Variants in VASH1 observed in about 807,000 individuals in gnomAD.
VASH1 encodes vasohibin 1, also known as tubulinyl-Tyr carboxypeptidase 1.
A neutral mutation model predicts 35.0 loss-of-function variants in VASH1; 16 were observed. That is an observed-to-expected ratio of 0.46 (90% confidence interval 0.31 to 0.70). The LOEUF is 0.70. Ranked by LOEUF, VASH1 falls within the 30% of genes least tolerant of loss-of-function variation. The probability of loss-of-function intolerance (pLI) is 0.05; values close to 1 mark genes in which losing one functional copy is unlikely to be tolerated. For missense variants in VASH1, 505 were observed against 510.7 expected, an observed-to-expected ratio of 0.99 and a Z score of 0.11; for synonymous variants, 214 against 200.9, an observed-to-expected ratio of 1.07 and a Z score of -0.55.
chr14:76,761,490 G>T lies in VASH1; in HGVS notation c.-1332G>T. ...GGCGCGGGCCGTAGTCGAGCCTGGT[G>T]GGCGGCTGGCTGGCAGGGGACGTGG... On this transcript the variant is annotated 5_prime_UTR_variant, in exon 1 of 7. Transcript: ENST00000167106. 6.5e-6 allele frequency: 1 copy of T among 152,922 alleles called. No homozygotes were observed. The highest frequency in any genetic ancestry group is 1.9e-4 in the South Asian group (1 of 5,320). The allele number at this position is 152,922 out of a possible 1,614,324, so 9.5% of individuals were successfully genotyped here.
rs557979160 is a variant in VASH1, at chr14:76,769,510, C to G, written c.310-453C>G. 42 of 1,286,826 alleles carry G rather than the reference C, an allele frequency of 3.3e-5. No individual in the cohort carries two copies. The South Asian group carries it at 4.7e-4, about 14-fold the overall frequency. 79.7% of individuals were successfully genotyped at this position (1,286,826 alleles called of 1,614,324 possible). A position where few individuals can be genotyped will look rare whatever the true frequency, so the allele number is the denominator to read the frequency against. ...CCAAGGATGCTCACCCCCCTCAGGACCACTCCCAAAGCCTAGGGCACCACC... is the reference window on the plus strand; with the variant it reads ...CCAAGGATGCTCACCCCCCTCAGGAGCACTCCCAAAGCCTAGGGCACCACC... On this transcript the variant is annotated intron_variant, in intron 1 of 6. Coordinates refer to ENST00000167106, the MANE Select transcript of VASH1 (RefSeq NM_014909.5).
intron 1 of VASH1, among the ~76,000 whole-genome samples, chr14:76,768,684 G>C (rs971914743): frequency 6.6e-6 from 1 of 152,022 alleles, no homozygotes; most frequent in South Asian, 2.1e-4. Context: ...TCCACCACTC[G>C]AGAGCCTCCC....
At position 76,776,259 on chromosome 14, in the gene VASH1, G is replaced by C. The variant is rs368987028; in HGVS notation, c.898G>C (p.Asp300His). Residue 300 changes from aspartate (D) to histidine (H), a missense_variant, in exon 5 of 7, where the codon GAC becomes CAC. Asp to His is a moderately conservative substitution (Grantham distance 81). Coordinates refer to ENST00000167106, the MANE Select transcript of VASH1 (RefSeq NM_014909.5). ...FRKELERHAR[D>H]MRLKIGKGTG... ...CAAGGAGCTGGAGCGCCACGCCCGC[G>C]ACATGCGGCTCAAGGTCTGCCCGCC... 2 of 1,594,914 alleles carry C rather than the reference G, an allele frequency of 1.3e-6. No homozygotes were observed. The highest frequency in any genetic ancestry group is 1.7e-6 in the Non-Finnish European group (2 of 1,173,614).
intron 1 of VASH1, among the ~76,000 whole-genome samples, chr14:76,763,418 C>T (rs953558743): frequency 4.6e-5 from 7 of 152,188 alleles, no homozygotes; most frequent in African/African-American, 1.7e-4. Context: ...AGTAGGATGG[C>T]TTGACGTCTC....
chr14:76,776,571 C>T (rs1893952152), intron 5 of VASH1, among the ~76,000 whole-genome samples: 1 of 152,048 alleles, frequency 6.6e-6, no homozygotes, highest in South Asian at 2.1e-4. Context: ...TGGGCAGCCT[C>T]CCCACTCCTC....
In VASH1 at chr14:76,779,842, A is replaced by C; in HGVS notation, c.*824A>C. On this transcript the variant is annotated 3_prime_UTR_variant, in exon 7 of 7. Transcript: ENST00000167106. The stretch of plus-strand genomic sequence containing the variant: ...GACCCAGAATGGCACTGAGGCCAGC[A>C]TGGCTGTGGGAGTTGAGCAAACCCT... 5.2e-6 allele frequency: 2 copies of C among 385,094 alleles called. No homozygotes were observed. The highest frequency in any genetic ancestry group is 1.1e-4 in the South Asian group (2 of 17,694). 23.9% of individuals were successfully genotyped at this position (385,094 alleles called of 1,614,324 possible).
chr14:76,762,733 C>A lies in VASH1; in HGVS notation c.-89C>A. On this transcript the variant is annotated 5_prime_UTR_variant, in exon 1 of 7. Coordinates refer to ENST00000167106, the MANE Select transcript of VASH1 (RefSeq NM_014909.5). ...TTCTTAAAGGCGCCTTGCACTCTGG[C>A]CATGTGTTATCTCTGCAGCCGGTGT... 1 of 1,241,082 alleles carries A rather than the reference C, an allele frequency of 8.1e-7. No homozygotes were observed. Among genetic ancestry groups the A allele is most frequent in the Non-Finnish European group, 1.1e-6 (1 of 927,458 alleles). The allele number at this position is 1,241,082 out of a possible 1,614,324, so 76.9% of individuals were successfully genotyped here.
At chr14:76,774,317 C>T (rs1893873557) in intron 4 of VASH1, 1 of 152,232 alleles carries the variant, frequency 6.6e-6, no homozygotes, top group African/African-American at 2.4e-5. Flanking sequence ...GCCCGACATC[C>T]CTGCCCTGTT....
At chr14:76,776,994 G>A in intron 5 of VASH1, among the ~76,000 whole-genome samples, 1 of 152,206 alleles carries the variant, frequency 6.6e-6, no homozygotes, top group East Asian at 1.9e-4. Context: ...GCGGGCGGTA[G>A]GTGGTAGCTC....
rs767794190 is a variant in VASH1 at position 76,776,034 on chromosome 14, G to C, written c.673G>C (p.Asp225His). Residue 225 changes from aspartate (D) to histidine (H), a missense_variant, in exon 5 of 7, where the codon GAC (aspartate) becomes CAC (histidine). Transcript: ENST00000167106. Reference protein sequence around the residue: ...YGALGMSRREDLMYKPPAFRT... With the variant: ...YGALGMSRREHLMYKPPAFRT... ...TGCGCTGGGCATGAGTCGGCGCGAG[G>C]ACCTGATGTACAAGCCGCCCGCCTT... 2 of 1,612,122 alleles carry C rather than the reference G, an allele frequency of 1.2e-6. No individual in the cohort carries two copies. Among genetic ancestry groups the C allele is most frequent in the South Asian group, 2.2e-5 (2 of 90,892 alleles).
rs1893506687 is a variant in VASH1 at position 76,761,604 on chromosome 14, T to C, written c.-1218T>C. Among the ~76,000 whole-genome samples, 1 of 151,898 alleles carries C rather than the reference T, an allele frequency of 6.6e-6. No individual in the cohort carries two copies. Among genetic ancestry groups the C allele is most frequent in the South Asian group, 2.1e-4 (1 of 4,834 alleles). ...AGCGATCGGCTGGTGGGCTTCTCGT[T>C]GGCGGGCTCCGCGTTGGCGGGCTGC... On this transcript the variant is annotated 5_prime_UTR_variant, in exon 1 of 7. Transcript: ENST00000167106.
chr14:76,773,384 TGGA>T (rs1893845152), intron 4 of VASH1, 173 bp downstream of exon 4: 2 of 637,416 alleles, frequency 3.1e-6, no homozygotes, highest in Non-Finnish European at 5.4e-6. Context: ...CCCCCCAAAA[TGGA>T]GGAGCCCCGA....
At chr14:76,763,691 G>C (rs981750929) in intron 1 of VASH1, among the ~76,000 whole-genome samples, 3 of 152,098 alleles carry the variant, frequency 2.0e-5, no homozygotes, top group South Asian at 2.1e-4. Context: ...GGAGAAGGGC[G>C]GGGGGTGGTG....
At chr14:76,765,490 G>C (rs1460298357) in intron 1 of VASH1, among the ~76,000 whole-genome samples, 5 of 152,202 alleles carry the variant, frequency 3.3e-5, no homozygotes, top group Non-Finnish European at 7.3e-5. Flanking sequence ...GAGTGCAGTG[G>C]AGTCCAGGAG....
rs1386609050 is a variant in VASH1, at chr14:76,782,941, A to G, written c.*3923A>G. ...TCCTTTCACTTTCACACTTCATCTC[A>G]TTCCTGTTGTCACTTTCCCCGAAAC... On this transcript the variant is annotated 3_prime_UTR_variant, in exon 7 of 7. Coordinates refer to ENST00000167106, the MANE Select transcript of VASH1 (RefSeq NM_014909.5). 6.5e-6 allele frequency: 1 copy of G among 152,720 alleles called. No individual in the cohort carries two copies. The highest frequency in any genetic ancestry group is 1.5e-5 in the Non-Finnish European group (1 of 68,134). 9.5% of individuals were successfully genotyped at this position (152,720 alleles called of 1,614,324 possible).
rs1393296737 is a variant in VASH1 at position 76,775,932 on chromosome 14, A to G, written c.571A>G (p.Ile191Val). 3.7e-6 allele frequency: 6 copies of G among 1,604,398 alleles called. No homozygotes were observed. Among genetic ancestry groups the G allele is most frequent in the African/African-American group, 2.7e-5 (2 of 74,782 alleles). Residue 191 changes from isoleucine (I) to valine (V), a missense_variant, in exon 5 of 7, where the codon ATC (isoleucine) becomes GTC (valine). Transcript: ENST00000167106. ...NSMPTLERFP[I>V]SFKTYFSGNY... ...CATGCCCACCCTGGAGCGCTTCCCC[A>G]TCAGCTTCAAGACCTACTTCTCAGG...
chr14:76,771,108 GC>G, intron 2 of VASH1, 81 bp from the exon 3 acceptor site: 1 of 1,315,544 alleles, frequency 7.6e-7, no homozygotes. Flanking sequence ...AGGAGACTTG[GC>G]TCTTGAGCTT....
rs895819847 is a variant in VASH1 at position 76,761,960 on chromosome 14, T to A, written c.-862T>A. Among the ~76,000 whole-genome samples, 91 of 151,822 alleles carry A rather than the reference T, an allele frequency of 6.0e-4. No homozygotes were observed. Among genetic ancestry groups the A allele is most frequent in the African/African-American group, 2.1e-3 (88 of 41,474 alleles). ...CCGTGCCCTGCGATGGCTCGGCTGGTGCAGCGCGGCGCCAGGTGCCAGCCG... is the reference window on the plus strand; with the variant it reads ...CCGTGCCCTGCGATGGCTCGGCTGGAGCAGCGCGGCGCCAGGTGCCAGCCG... On this transcript the variant is annotated 5_prime_UTR_variant, in exon 1 of 7. Coordinates refer to ENST00000167106, the MANE Select transcript of VASH1 (RefSeq NM_014909.5).
At chr14:76,772,294 C>T (rs1212547610) in intron 3 of VASH1, among the ~76,000 whole-genome samples, 1 of 152,156 alleles carries the variant, frequency 6.6e-6, no homozygotes, top group Admixed American at 6.5e-5. Flanking sequence ...TACATCTTGC[C>T]CCACACATAA....
Sources: gnomAD v4.1 joint callset for allele counts (sites outside exome capture counted in the v4.1 genomes callset) on GRCh38, gnomAD v4.1.1 for gene constraint, MANE v1.5 for transcripts, NCBI Gene and HGNC (gene_info 2026-07-23, HGNC 2026-07-21) for gene names.